The following LRTM3 variants were observed in gnomAD, a reference collection of about 807,000 sequenced individuals.
The protein encoded by LRTM3 is leucine-rich repeat transmembrane protein 3.
chr13:102,745,691 G>T, the LRTM3 span: 1 of 1,551,076 alleles, frequency 6.4e-7, no homozygotes, highest in Non-Finnish European at 8.7e-7. Context: ...TTTCTTTTCA[G>T]TACCACCAGC....
At chr13:102,745,886 G>A in the LRTM3 span, 10 of 1,551,188 alleles carry the variant, frequency 6.4e-6, no homozygotes, top group Admixed American at 7.8e-5. Flanking sequence ...TGTAAAATGT[G>A]TTTGTGGTTG....
chr13:102,729,488 G>A, the LRTM3 span: 37 of 1,458,786 alleles, frequency 2.5e-5, no homozygotes, highest in South Asian at 4.6e-5. Context: ...CCCCGAGAGC[G>A]ACCCCAACAA....
the LRTM3 span, chr13:102,743,731 C>G: frequency 1.3e-6 from 2 of 1,549,708 alleles, no homozygotes; most frequent in Non-Finnish European, 1.7e-6. Context: ...ATTTACATTT[C>G]TTCCTATGTT....
the LRTM3 span, chr13:102,731,261 G>C: frequency 1.9e-6 from 3 of 1,551,232 alleles, no homozygotes; most frequent in Middle Eastern, 1.7e-4. Flanking sequence ...TTTTGAGTTA[G>C]GTTCTATGGT....
At chr13:102,739,439 C>A in the LRTM3 span, 11 of 1,550,446 alleles carry the variant, frequency 7.1e-6, no homozygotes, top group Non-Finnish European at 9.6e-6. Flanking sequence ...TGGTGGAAGG[C>A]AGCCCTTTAG....
the LRTM3 span, chr13:102,733,728 G>C: frequency 9.0e-6 from 14 of 1,551,260 alleles, no homozygotes; most frequent in South Asian, 3.6e-5. Context: ...TCCTCATCCC[G>C]TGAGTTTAAA....
chr13:102,758,866 T>C, the LRTM3 span: 1 of 1,550,452 alleles, frequency 6.4e-7, no homozygotes, highest in South Asian at 1.2e-5. Flanking sequence ...TCCCATAATG[T>C]CATGAATGTA....
the LRTM3 span, among the ~76,000 whole-genome samples, chr13:102,752,205 C>A: frequency 6.6e-6 from 1 of 152,134 alleles, no homozygotes; most frequent in Non-Finnish European, 1.5e-5. Context: ...ACTCCACCCT[C>A]GGATCATGCT....
At chr13:102,735,409 T>C in the LRTM3 span, 5 of 1,551,328 alleles carry the variant, frequency 3.2e-6, no homozygotes, top group Non-Finnish European at 3.5e-6. Flanking sequence ...CTTTTGCAAT[T>C]CTTATCACGT....
chr13:102,742,329 C>T, the LRTM3 span: 1 of 1,549,092 alleles, frequency 6.5e-7, no homozygotes, highest in African/African-American at 1.4e-5. Flanking sequence ...GCTGTCTTTG[C>T]CTTATCTTTA....
At chr13:102,736,028 C>T in the LRTM3 span, 4,182 of 1,549,304 alleles carry the variant, frequency 2.7e-3, 8 homozygotes, top group Non-Finnish European at 3.4e-3. Flanking sequence ...ACCTTCCCTG[C>T]CTTCTATTTT....
At chr13:102,743,472 T>C in the LRTM3 span, 13 of 1,549,168 alleles carry the variant, frequency 8.4e-6, no homozygotes, top group East Asian at 2.4e-5. Flanking sequence ...AACTGCCCAC[T>C]GATTTTATGT....
At chr13:102,745,376 G>A in the LRTM3 span, 4 of 1,550,304 alleles carry the variant, frequency 2.6e-6, no homozygotes, top group Non-Finnish European at 3.5e-6. Context: ...GTCTTTTTCT[G>A]TTTCTACCTT....
At chr13:102,732,593 A>T in the LRTM3 span, 1 of 1,551,180 alleles carries the variant, frequency 6.4e-7, no homozygotes, top group Non-Finnish European at 8.7e-7. Flanking sequence ...CTGCTTTTGC[A>T]TGATTAGGCG....
At chr13:102,741,910 T>G in the LRTM3 span, 7 of 1,550,354 alleles carry the variant, frequency 4.5e-6, no homozygotes. Context: ...AGTATTGGGA[T>G]ATGTCTTCTG....
At chr13:102,758,625 A>G in the LRTM3 span, 1 of 1,519,848 alleles carries the variant, frequency 6.6e-7, no homozygotes, top group South Asian at 1.3e-5. Context: ...GAGTATCAAA[A>G]TTCAAAAATT....
At chr13:102,747,199 C>T in the LRTM3 span, 13 of 1,550,658 alleles carry the variant, frequency 8.4e-6, no homozygotes, top group Non-Finnish European at 1.1e-5. Flanking sequence ...CTTGGACTAG[C>T]TTGATATGAC....
At chr13:102,735,361 A>C in the LRTM3 span, 4 of 1,551,318 alleles carry the variant, frequency 2.6e-6, no homozygotes, top group Admixed American at 7.8e-5. Context: ...TTCTCCCTGC[A>C]TCTGATGATT....
At chr13:102,745,309 A>T in the LRTM3 span, 1 of 1,550,652 alleles carries the variant, frequency 6.4e-7, no homozygotes. Context: ...TACTATCTTC[A>T]TGTGGAGATG....
Sources: gnomAD v4.1 joint callset for allele counts (sites outside exome capture counted in the v4.1 genomes callset) on GRCh38, gnomAD v4.1.1 for gene constraint, MANE v1.5 for transcripts, NCBI Gene and HGNC (gene_info 2026-07-23, HGNC 2026-07-21) for gene names.